The following BTNL9 variants were observed in gnomAD, a reference collection of about 807,000 sequenced individuals.
The protein encoded by BTNL9 is butyrophilin-like protein 9.
A neutral mutation model predicts 45.8 loss-of-function variants in BTNL9; 45 were observed. That is an observed-to-expected ratio of 0.98 (90% CI 0.77 to 1.26). The LOEUF is 1.26. BTNL9 is among the 50% of genes most tolerant of loss of function. The pLI is 0.00. For synonymous variants in BTNL9, 346 were observed against 330.8 expected (o/e 1.05, Z -0.50); for missense variants, 784 against 729.7 (o/e 1.07, Z -0.86).
chr5:181,054,127 G>A, intron 6 of BTNL9, 112 bp from the exon 7 acceptor site: 1 of 1,564,914 alleles, frequency 6.4e-7, no homozygotes, highest in East Asian at 2.4e-5. Flanking sequence ...GCGGGTGGGA[G>A]TGCCGCATCG....
chr5:181,051,649 A>T (rs1398912071), intron 4 of BTNL9, among the ~76,000 whole-genome samples: 1 of 152,134 alleles, frequency 6.6e-6, no homozygotes, highest in Non-Finnish European at 1.5e-5. Context: ...TCTCTCTTTT[A>T]TGTTTACATT....
rs887880136 is a variant in BTNL9, at chr5:181,060,451, G to C, written c.*589G>C. 5 of 152,288 alleles carry C rather than the reference G, an allele frequency of 3.3e-5. No homozygotes were observed. Among genetic ancestry groups the C allele is most frequent in the African/African-American group, 1.2e-4 (5 of 41,456 alleles). The allele number at this position is 152,288 out of a possible 1,614,324, so 9.4% of individuals were successfully genotyped here. A position where few individuals can be genotyped will look rare whatever the true frequency, so the allele number is the denominator to read the frequency against. ...AGGCTCAAAACGTGACGGCAACCCG[G>C]CAAAAGGGTAGGGAGCCAGGCCGAA... On this transcript the variant is annotated 3_prime_UTR_variant, in exon 11 of 11. Coordinates refer to ENST00000327705, the MANE Select transcript of BTNL9 (RefSeq NM_152547.5).
In BTNL9 at chr5:181,045,618, G is replaced by A. The variant is rs1263326402; in HGVS notation, c.109+20G>A. On this transcript the variant is annotated intron_variant, in intron 2 of 10. Transcript: ENST00000327705. ...GCTCAGGTATTGTGTCTGCAGCCTA[G>A]CTGGCCAGGATGTGAACGCCACCCC... 1.9e-5 allele frequency: 31 copies of A among 1,591,192 alleles called. No individual in the cohort carries two copies. Among genetic ancestry groups the A allele is most frequent in the Non-Finnish European group, 2.7e-5 (31 of 1,160,598 alleles).
At chr5:181,043,921 G>C (rs1419693094) in intron 1 of BTNL9, among the ~76,000 whole-genome samples, 1 of 152,236 alleles carries the variant, frequency 6.6e-6, no homozygotes, top group Non-Finnish European at 1.5e-5. Context: ...GCCCATGCTG[G>C]TTATTGTGTG....
At chr5:181,051,809 T>C (rs890380650) in intron 4 of BTNL9, among the ~76,000 whole-genome samples, 15 of 152,348 alleles carry the variant, frequency 9.8e-5, no homozygotes, top group African/African-American at 3.6e-4. Context: ...TAGCTTTTAA[T>C]ATAAATCTTA....
rs1440229208 is a variant in BTNL9, at chr5:181,055,271, T to C, written c.908-162T>C. ...AAGAGTCCTGCAGATGGGCCTCTTT[T>C]TGAGGGCAATGAAGGGGCAAAGAGG... On this transcript the variant is annotated intron_variant, in intron 7 of 10. Transcript: ENST00000327705. This position sits in a 1 kb window ranked among gnomAD's most constrained non-coding sequence, Gnocchi z 4.4. 5 of 1,499,054 alleles carry C rather than the reference T, an allele frequency of 3.3e-6. No homozygotes were observed. Among genetic ancestry groups the C allele is most frequent in the East Asian group, 4.6e-5 (2 of 43,394 alleles). 92.9% of individuals were successfully genotyped at this position (1,499,054 alleles called of 1,614,324 possible).
In BTNL9 at chr5:181,056,007, G is replaced by C. The variant is rs199942003; in HGVS notation, c.947G>C (p.Gly316Ala). 57 of 1,614,032 alleles carry C rather than the reference G, an allele frequency of 3.5e-5. No homozygotes were observed. Among genetic ancestry groups the C allele is most frequent in the Admixed American group, 5.0e-5 (3 of 60,004 alleles). ...QTELDWRRAE[G>A]QAEWRAAQKY... Reference sequence around the variant, plus strand: ...GCTTCAGACTGGAGACGGGCTGAAGGCCAGGCTGGTGAGTGGAACCCATCT... The same window carrying C: ...GCTTCAGACTGGAGACGGGCTGAAGCCCAGGCTGGTGAGTGGAACCCATCT... The change falls in exon 9 of 11, where the codon GGC becomes GCC. Residue 316 changes from glycine (G) to alanine (A), a missense_variant. Coordinates refer to ENST00000327705, the MANE Select transcript of BTNL9 (RefSeq NM_152547.5).
intron 7 of BTNL9, 121 bp downstream of exon 7, chr5:181,054,380 G>C: frequency 6.5e-7 from 1 of 1,537,292 alleles, no homozygotes; most frequent in Non-Finnish European, 8.7e-7. Context: ...CCATCCCTGT[G>C]AGCCTCCACC....
chr5:181,053,366 C>G lies in BTNL9; in HGVS notation c.853+50C>G, dbSNP rs768324986. 6 of 1,516,036 alleles carry G rather than the reference C, an allele frequency of 4.0e-6. No homozygotes were observed. The highest frequency in any genetic ancestry group is 5.3e-6 in the Non-Finnish European group (6 of 1,131,834). The allele number at this position is 1,516,036 out of a possible 1,614,324, so 93.9% of individuals were successfully genotyped here. A position where few individuals can be genotyped will look rare whatever the true frequency, so the allele number is the denominator to read the frequency against. ...GGAGGGGCACCGGCCGGTGCTGAAC[C>G]CCGGGGCCGCGGAGGCGCCTCCCCC... On this transcript the variant is annotated intron_variant, in intron 5 of 10. Transcript: ENST00000327705. This position sits in a 1 kb window ranked among gnomAD's most constrained non-coding sequence, Gnocchi z 6.5.
rs368802401 is a variant in BTNL9 at position 181,045,451 on chromosome 5, C to A, written c.-23-16C>A. 1.0e-5 allele frequency: 14 copies of A among 1,406,756 alleles called. No homozygotes were observed. Among genetic ancestry groups the A allele is most frequent in the Middle Eastern group, 3.5e-4 (2 of 5,736 alleles). The allele number at this position is 1,406,756 out of a possible 1,614,324, so 87.1% of individuals were successfully genotyped here. The stretch of plus-strand genomic sequence containing the variant: ...ACCTTTGCACGTCGCTCCAGCACCC[C>A]TTTGTCCCTCTCCAGGTGGCCCCCA... On this transcript the variant is annotated splice_polypyrimidine_tract_variant and intron_variant, in intron 1 of 10. Transcript: ENST00000327705.
Position 181,059,410 on chromosome 5 carries a change from T to A in BTNL9, c.1156T>A (p.Trp386Arg), listed in dbSNP as rs1275250995. ...LERFSAGRHY[W>R]EVHVGRRSRW... Reference sequence around the variant, plus strand: ...GCGGTTCTCCGCCGGCCGCCACTACTGGGAGGTGCACGTGGGCCGCCGCAG... The same window carrying A: ...GCGGTTCTCCGCCGGCCGCCACTACAGGGAGGTGCACGTGGGCCGCCGCAG... The change falls in exon 11 of 11, where the codon TGG becomes AGG. Residue 386 changes from tryptophan to arginine, a missense_variant. Trp to Arg is a moderately radical substitution (Grantham distance 101, BLOSUM62 -3). Coordinates refer to ENST00000327705, the MANE Select transcript of BTNL9 (RefSeq NM_152547.5). The A allele has an allele frequency of 1.3e-6, 2 of 1,508,492 alleles. No individual in the cohort carries two copies. The highest frequency in any genetic ancestry group is 1.8e-6 in the Non-Finnish European group (2 of 1,132,024). 93.4% of individuals were successfully genotyped at this position (1,508,492 alleles called of 1,614,324 possible).
At position 181,061,330 on chromosome 5, in the gene BTNL9, G is replaced by A. The variant is rs1212071655; in HGVS notation, c.*1468G>A. ...TTCATTGTACTATCAATGTGGCTTT[G>A]CTGTGGGTTTGAAATTTTGCAAACT... On this transcript the variant is annotated 3_prime_UTR_variant, in exon 11 of 11. Transcript: ENST00000327705. The A allele has an allele frequency of 6.6e-6, 1 of 152,194 alleles. No homozygotes were observed. Among genetic ancestry groups the A allele is most frequent in the East Asian group, 1.9e-4 (1 of 5,196 alleles). The allele number at this position is 152,194 out of a possible 1,614,324, so 9.4% of individuals were successfully genotyped here.
intron 9 of BTNL9, among the ~76,000 whole-genome samples, chr5:181,057,946 A>G (rs1283152543): frequency 6.6e-6 from 1 of 152,216 alleles, no homozygotes; most frequent in African/African-American, 2.4e-5. Context: ...CATGCCAGGA[A>G]AAGACAGGAC....
intron 7 of BTNL9, chr5:181,054,608 A>G (rs1761777793): frequency 1.0e-6 from 1 of 985,292 alleles, no homozygotes; most frequent in South Asian, 4.7e-5. Flanking sequence ...TTTGCACCAA[A>G]ATGGAAATAA....
intron 4 of BTNL9, among the ~76,000 whole-genome samples, chr5:181,051,306 AAACCC>A (rs1262262691): frequency 1.3e-5 from 2 of 152,198 alleles, no homozygotes; most frequent in Non-Finnish European, 2.9e-5. Context: ...TTTTAAGGAC[AAACCC>A]AACATACGGG....
Position 181,055,359 on chromosome 5 carries a change from C to T in BTNL9, c.908-74C>T. ...GTGGCTTAAGACTAAGGAAGCTCTT[C>T]CCAGTGGCCTGTCTTGGGAAGATGG... On this transcript the variant is annotated intron_variant, in intron 7 of 10. Coordinates refer to ENST00000327705, the MANE Select transcript of BTNL9 (RefSeq NM_152547.5). The surrounding 1 kb of genome is among the most constrained non-coding windows in gnomAD (Gnocchi z 4.4). The T allele has an allele frequency of 6.2e-7, 1 of 1,613,160 alleles. No homozygotes were observed.
At position 181,060,000 on chromosome 5, in the gene BTNL9, C is replaced by T. The variant is rs1762090444; in HGVS notation, c.*138C>T. ...AGGGGGACAAAGAGAGGGACCTTTG[C>T]CTACGTAGATGTGTATGTGTAGTGC... On this transcript the variant is annotated 3_prime_UTR_variant, in exon 11 of 11. Coordinates refer to ENST00000327705, the MANE Select transcript of BTNL9 (RefSeq NM_152547.5). 2 of 771,974 alleles carry T rather than the reference C, an allele frequency of 2.6e-6. 1 individual carries two copies. The highest frequency in any genetic ancestry group is 4.0e-6 in the Non-Finnish European group (2 of 494,536). The allele number at this position is 771,974 out of a possible 1,614,324, so 47.8% of individuals were successfully genotyped here. A position where few individuals can be genotyped will look rare whatever the true frequency, so the allele number is the denominator to read the frequency against.
At chr5:181,056,122 C>A in intron 9 of BTNL9, 107 bp downstream of exon 9, 1 of 1,257,066 alleles carries the variant, frequency 8.0e-7, no homozygotes, top group Non-Finnish European at 1.2e-6. Context: ...CATTCCGTGG[C>A]CTCACACAGC....
chr5:181,054,808 C>T (rs1369724406), intron 7 of BTNL9: 2 of 985,324 alleles, frequency 2.0e-6, no homozygotes, highest in Non-Finnish European at 2.4e-6. Context: ...CAGTCTACCT[C>T]GCCCTTCAAG....
Sources: gnomAD v4.1 joint callset for allele counts (sites outside exome capture counted in the v4.1 genomes callset) on GRCh38, gnomAD v4.1.1 for gene constraint, Gnocchi (gnomAD v3.1) non-coding constraint, MANE v1.5 for transcripts, NCBI Gene and HGNC (gene_info 2026-07-23, HGNC 2026-07-21) for gene names.